Variants in CTNND2 observed in about 807,000 individuals in gnomAD.
CTNND2 encodes catenin delta 2.
Under a neutral mutation model 144.4 loss-of-function variants are expected in CTNND2, and 22 were observed. That is an observed-to-expected ratio of 0.15 (90% CI 0.11 to 0.22). CTNND2 has a LOEUF of 0.22. CTNND2 is among the 10% of genes least tolerant of loss of function. The pLI, the probability that CTNND2 is intolerant of heterozygous loss-of-function variation, is 1.00. For missense variants in CTNND2, 1,353 were observed against 1,618.8 expected, an observed-to-expected ratio of 0.84 and a Z score of 2.82; for synonymous variants, 751 against 695.6, an observed-to-expected ratio of 1.08 and a Z score of -1.25.
intron 1 of CTNND2, among the ~76,000 whole-genome samples, chr5:11,774,833 C>A (rs1003039930): frequency 6.6e-6 from 1 of 152,168 alleles, no homozygotes; most frequent in African/African-American, 2.4e-5. Context: ...TACAGTTCAA[C>A]TAACTGAGCT....
At chr5:11,751,277 G>C (rs1162451716) in intron 1 of CTNND2, among the ~76,000 whole-genome samples, 1 of 151,746 alleles carries the variant, frequency 6.6e-6, no homozygotes, top group Admixed American at 6.6e-5. Context: ...ATGCAGGTTT[G>C]TAATATAGGT....
At chr5:11,761,867 A>G (rs542900378) in intron 1 of CTNND2, among the ~76,000 whole-genome samples, 51 of 152,302 alleles carry the variant, frequency 3.3e-4, no homozygotes, top group African/African-American at 1.2e-3. Flanking sequence ...ATCTAAGTTG[A>G]TCACCATAGT....
rs1738139641 is a variant in CTNND2, at chr5:11,904,110, C to CGCGGGCTCCACGGGCTCCT, written c.-276_-258dup. 1 of 160,540 alleles carries CGCGGGCTCCACGGGCTCCT rather than the reference C, an allele frequency of 6.2e-6. No individual in the cohort carries two copies. Among genetic ancestry groups the CGCGGGCTCCACGGGCTCCT allele is most frequent in the Non-Finnish European group, 1.3e-5 (1 of 76,644 alleles). 9.9% of individuals were successfully genotyped at this position (160,540 alleles called of 1,614,324 possible). A position where few individuals can be genotyped will look rare whatever the true frequency, so the allele number is the denominator to read the frequency against. On this transcript the variant is annotated 5_prime_UTR_variant, in exon 1 of 22. Coordinates refer to ENST00000304623, the MANE Select transcript of CTNND2 (RefSeq NM_001332.4). This position sits in a 1 kb window ranked among gnomAD's most constrained non-coding sequence, Gnocchi z 4.2. ...GAGCGCAGCGCCCCCTGCCCGGCTC[C>CGCGGGCTCCACGGGCTCCT]GCGGGCTCCACGGGCTCCTGCGGGC...
chr5:11,551,147 G>A (rs758192518), intron 3 of CTNND2, among the ~76,000 whole-genome samples: 3 of 152,078 alleles, frequency 2.0e-5, no homozygotes, highest in Non-Finnish European at 2.9e-5. Context: ...TGTGCAGTAC[G>A]TGGCCTCTCA....
chr5:11,344,480 C>T (rs1048581093), intron 9 of CTNND2, among the ~76,000 whole-genome samples: 2 of 152,080 alleles, frequency 1.3e-5, no homozygotes, highest in South Asian at 4.1e-4. Context: ...ATGCTCCATA[C>T]ATTTTGCATG....
At chr5:11,462,000 C>T (rs1766265063) in intron 3 of CTNND2, among the ~76,000 whole-genome samples, 3 of 151,886 alleles carry the variant, frequency 2.0e-5, no homozygotes, top group Admixed American at 1.3e-4. Flanking sequence ...AAAATACCAT[C>T]GAGGAGGAAA....
chr5:11,305,619 TG>T (rs1217586966), intron 9 of CTNND2, among the ~76,000 whole-genome samples: 6 of 152,288 alleles, frequency 3.9e-5, no homozygotes, highest in African/African-American at 1.4e-4. Flanking sequence ...ATGAGCCAGG[TG>T]CAGACTTAAG....
At chr5:11,171,419 C>T (rs548323203) in intron 11 of CTNND2, among the ~76,000 whole-genome samples, 1 of 152,274 alleles carries the variant, frequency 6.6e-6, no homozygotes, top group South Asian at 2.1e-4. Flanking sequence ...TATTAACACT[C>T]ATCTTTAATT....
At position 11,348,437 on chromosome 5, in the gene CTNND2, CAAAAAA is replaced by C. The variant is rs3034056; in HGVS notation, c.1373-1816_1373-1811del. Among the ~76,000 whole-genome samples the C allele has an allele frequency of 6.0e-4, 69 of 114,724 alleles. No homozygotes were observed. The East Asian group carries it at 9.1e-3, about 15-fold the overall frequency. 75.3% of individuals were successfully genotyped at this position (114,724 alleles called of 152,430 possible). ...GATAAGCTAGCCAGAAAATCAAGGG[CAAAAAA>C]AAAAAAAAAAAAAGAAAAAAGAAAA... On this transcript the variant is annotated intron_variant, in intron 8 of 21. Coordinates refer to ENST00000304623, the MANE Select transcript of CTNND2 (RefSeq NM_001332.4).
chr5:11,668,607 T>C (rs935780595), intron 2 of CTNND2, among the ~76,000 whole-genome samples: 1 of 152,322 alleles, frequency 6.6e-6, no homozygotes, highest in East Asian at 1.9e-4. Context: ...TTTTTGCACA[T>C]TGATTTTGTA....
At chr5:11,628,738 G>T (rs1184224225) in intron 2 of CTNND2, among the ~76,000 whole-genome samples, 1 of 151,926 alleles carries the variant, frequency 6.6e-6, no homozygotes, top group Non-Finnish European at 1.5e-5. Flanking sequence ...AATTATATTT[G>T]TCTCAATTAT....
chr5:11,516,796 TTTTG>T (rs1370988837), intron 3 of CTNND2, among the ~76,000 whole-genome samples: 2 of 152,166 alleles, frequency 1.3e-5, no homozygotes, highest in Non-Finnish European at 1.5e-5. Context: ...TCAGGTGTTC[TTTTG>T]TTTGTTTGTT....
At chr5:11,773,429 A>G (rs1193872651) in intron 1 of CTNND2, among the ~76,000 whole-genome samples, 1 of 152,260 alleles carries the variant, frequency 6.6e-6, no homozygotes, top group Non-Finnish European at 1.5e-5. Flanking sequence ...AGTTATGCCA[A>G]TGTAGCCTTA....
intron 6 of CTNND2, among the ~76,000 whole-genome samples, chr5:11,387,235 C>T (rs1418611086): frequency 4.7e-5 from 3 of 63,884 alleles, no homozygotes; most frequent in Non-Finnish European, 7.1e-5. Flanking sequence ...ATGGTCTTTT[C>T]AGCATTAAAA....
chr5:11,400,633 C>T (rs1464973466), intron 5 of CTNND2, among the ~76,000 whole-genome samples: 2 of 152,170 alleles, frequency 1.3e-5, no homozygotes, highest in East Asian at 3.8e-4. Context: ...AGAAGAAATT[C>T]CAAGGGAACT....
chr5:11,312,592 C>G (rs1485401218), intron 9 of CTNND2, among the ~76,000 whole-genome samples: 2 of 146,264 alleles, frequency 1.4e-5, no homozygotes, highest in Non-Finnish European at 3.0e-5. Context: ...TGTGGGAATT[C>G]TGGGAGATAC....
intron 9 of CTNND2, among the ~76,000 whole-genome samples, chr5:11,239,826 C>A (rs1467219151): frequency 6.6e-6 from 1 of 152,172 alleles, no homozygotes. Context: ...CTCCTACCCA[C>A]GCAATGCCCA....
intron 3 of CTNND2, among the ~76,000 whole-genome samples, chr5:11,463,243 G>A (rs964250943): frequency 5.9e-5 from 9 of 152,106 alleles, no homozygotes; most frequent in East Asian, 5.8e-4. Context: ...ACTTAGAAGC[G>A]TCTTCAGAGG....
At chr5:11,157,339 C>T (rs1285155925) in intron 12 of CTNND2, among the ~76,000 whole-genome samples, 2 of 152,282 alleles carry the variant, frequency 1.3e-5, no homozygotes, top group African/African-American at 2.4e-5. Context: ...CTATGTTTAG[C>T]CCAATCTCAC....
Sources: allele counts gnomAD v4.1 joint callset (sites outside exome capture counted in the v4.1 genomes callset), GRCh38; gene constraint gnomAD v4.1.1; non-coding constraint Gnocchi (gnomAD v3.1); transcripts MANE v1.5; gene names NCBI Gene and HGNC (gene_info 2026-07-23, HGNC 2026-07-21).